Variants in PCDH7 observed in about 807,000 individuals in gnomAD.
The protein encoded by PCDH7 is protocadherin-7.
In PCDH7, 17 loss-of-function variants were observed where a neutral mutation model predicts 58.9. The observed-to-expected ratio is 0.29, with a 90% CI of 0.20 to 0.43. The LOEUF is 0.43. PCDH7 is among the 20% of genes least tolerant of loss of function. The pLI, the probability that PCDH7 is intolerant of heterozygous loss-of-function variation, is 1.00. For missense variants in PCDH7, 1,274 were observed against 1,441.0 expected (o/e 0.88, Z 1.88); for synonymous variants, 664 against 616.4 (o/e 1.08, Z -1.14).
intron 3 of PCDH7, among the ~76,000 whole-genome samples, chr4:30,951,892 A>G (rs562234907): frequency 3.9e-5 from 6 of 152,248 alleles, no homozygotes; most frequent in African/African-American, 1.2e-4. Flanking sequence ...CTAGAGGGCA[A>G]TGATTCCACC....
intron 1 of PCDH7, among the ~76,000 whole-genome samples, chr4:30,813,331 G>T (rs1386689451): frequency 6.6e-6 from 1 of 152,074 alleles, no homozygotes; most frequent in Non-Finnish European, 1.5e-5. Flanking sequence ...TGTTCCTTTT[G>T]GTATGTTACT....
rs532805141 is a variant in PCDH7 at position 30,771,909 on chromosome 4, C to T, written c.70+47313C>T. 9.9e-5 allele frequency among the ~76,000 whole-genome samples: 15 copies of T among 152,172 alleles called. No individual in the cohort carries two copies. The South Asian group carries it at 1.9e-3, about 19-fold the overall frequency. ...TCTTTGAGATGGAGTTTTGCTCTGT[C>T]GCCCAGGCTGGAGTGCATTGGTGTG... On this transcript the variant is annotated intron_variant, in intron 1 of 3. Coordinates refer to the PCDH7 transcript ENST00000509759.
intron 1 of PCDH7, among the ~76,000 whole-genome samples, chr4:30,764,955 G>C (rs1279259080): frequency 6.6e-6 from 1 of 151,862 alleles, no homozygotes; most frequent in East Asian, 1.9e-4. Context: ...TCCTGACGTC[G>C]TGATCTGCCC....
intron 1 of PCDH7, among the ~76,000 whole-genome samples, chr4:30,826,440 C>T (rs941838976): frequency 1.3e-5 from 2 of 151,902 alleles, no homozygotes; most frequent in South Asian, 2.1e-4. Flanking sequence ...AATCCACCCT[C>T]GGTCCAACTG....
At chr4:31,096,139 C>A (rs1028678038) in intron 3 of PCDH7, among the ~76,000 whole-genome samples, 4 of 152,024 alleles carry the variant, frequency 2.6e-5, no homozygotes, top group African/African-American at 9.7e-5. Context: ...CAAAAGATGC[C>A]CCCTAGGCCC....
intron 1 of PCDH7, among the ~76,000 whole-genome samples, chr4:30,803,951 T>A (rs1725855940): frequency 6.6e-6 from 1 of 152,222 alleles, no homozygotes; most frequent in Non-Finnish European, 1.5e-5. Flanking sequence ...TAGTGAAATC[T>A]ATGTGAATAA....
At chr4:30,855,637 G>C (rs1488106039) in intron 1 of PCDH7, among the ~76,000 whole-genome samples, 2 of 152,158 alleles carry the variant, frequency 1.3e-5, no homozygotes, top group Non-Finnish European at 2.9e-5. Flanking sequence ...CTTGAAATCT[G>C]TTAAAGAGGA....
intron 1 of PCDH7, among the ~76,000 whole-genome samples, chr4:30,872,962 T>C (rs913362708): frequency 2.6e-5 from 4 of 152,116 alleles, no homozygotes; most frequent in African/African-American, 9.7e-5. Flanking sequence ...GCTAGTCACA[T>C]TGACCATTAT....
intron 3 of PCDH7, among the ~76,000 whole-genome samples, chr4:31,010,994 C>T (rs1312819198): frequency 2.6e-5 from 4 of 151,886 alleles, no homozygotes; most frequent in African/African-American, 4.8e-5. Context: ...AATATTTTTT[C>T]CCCTATATCA....
chr4:31,142,618 T>A, exon 4 of PCDH7: 2 of 1,367,740 alleles, frequency 1.5e-6, no homozygotes, highest in South Asian at 1.1e-5. Flanking sequence ...CTTTCATGCC[T>A]GTTGATGAAC....
At chr4:30,914,283 G>T (rs1380121304) in intron 1 of PCDH7, among the ~76,000 whole-genome samples, 1 of 152,194 alleles carries the variant, frequency 6.6e-6, no homozygotes, top group Admixed American at 6.5e-5. Context: ...TGCAGGAATT[G>T]TACATTATCT....
intron 3 of PCDH7, among the ~76,000 whole-genome samples, chr4:31,031,165 C>T (rs1264804760): frequency 6.6e-6 from 1 of 152,102 alleles, no homozygotes; most frequent in Non-Finnish European, 1.5e-5. Context: ...TTTTATCAAG[C>T]ACATATAAAG....
At chr4:30,909,512 C>A (rs1031070820) in intron 1 of PCDH7, among the ~76,000 whole-genome samples, 1 of 152,150 alleles carries the variant, frequency 6.6e-6, no homozygotes, top group Non-Finnish European at 1.5e-5. Context: ...GTGCAAAAAT[C>A]ACAAGCATTC....
At chr4:30,753,761 G>T (rs1235282087) in intron 1 of PCDH7, among the ~76,000 whole-genome samples, 1 of 152,076 alleles carries the variant, frequency 6.6e-6, no homozygotes, top group African/African-American at 2.4e-5. Context: ...TACATATGCA[G>T]TGCATTTTAA....
intron 3 of PCDH7, among the ~76,000 whole-genome samples, chr4:30,982,423 C>T (rs549884002): frequency 6.6e-6 from 1 of 152,204 alleles, no homozygotes; most frequent in South Asian, 2.1e-4. Context: ...TTTCCTGGCT[C>T]GTATACTTAT....
chr4:30,851,712 A>T (rs1329727490), intron 1 of PCDH7, among the ~76,000 whole-genome samples: 1 of 152,048 alleles, frequency 6.6e-6, no homozygotes, highest in Non-Finnish European at 1.5e-5. Flanking sequence ...GAGTGTAGTA[A>T]CCACTACTGA....
At chr4:30,863,630 A>G (rs1734495731) in intron 1 of PCDH7, among the ~76,000 whole-genome samples, 1 of 152,132 alleles carries the variant, frequency 6.6e-6, no homozygotes, top group Non-Finnish European at 1.5e-5. Context: ...AAATATGGAA[A>G]GAGGAAAGAC....
intron 1 of PCDH7, among the ~76,000 whole-genome samples, chr4:30,763,382 T>C (rs1291069076): frequency 9.2e-5 from 14 of 152,256 alleles, no homozygotes; most frequent in Admixed American, 8.5e-4. Context: ...TTTTCATAGA[T>C]GATTCACCAC....
intron 3 of PCDH7, among the ~76,000 whole-genome samples, chr4:31,130,674 A>G (rs1718870897): frequency 6.6e-6 from 1 of 152,200 alleles, no homozygotes; most frequent in Non-Finnish European, 1.5e-5. Flanking sequence ...TTCCCTTTCT[A>G]GAGGCTCAAG....
Sources: gnomAD v4.1 joint callset for allele counts (sites outside exome capture counted in the v4.1 genomes callset) on GRCh38, gnomAD v4.1.1 for gene constraint, MANE v1.5 for transcripts, NCBI Gene and HGNC (gene_info 2026-07-23, HGNC 2026-07-21) for gene names.